MRPL34: variants seen among roughly 807,000 people sequenced by gnomAD.
MRPL34 encodes large ribosomal subunit protein bL34m.
A neutral mutation model predicts 6.7 loss-of-function variants in MRPL34; 8 were observed. The ratio of observed to expected loss-of-function variants is 1.20; its 90% confidence interval spans 0.70 to 2.16. MRPL34 has a LOEUF of 2.16. Ranked by LOEUF, MRPL34 falls within the 30% of genes most tolerant of loss-of-function variation. MRPL34 has a pLI of 0.00. For synonymous variants in MRPL34, 59 were observed against 55.1 expected (o/e 1.07, Z -0.31); for missense variants, 146 against 125.5 (o/e 1.16, Z -0.78).
At chr19:17,293,345 C>T (rs1568346381) in intron 1 of MRPL34, among the ~76,000 whole-genome samples, 1 of 152,008 alleles carries the variant, frequency 6.6e-6, no homozygotes, top group Non-Finnish European at 1.5e-5. Context: ...GATCTGCCCG[C>T]CTCGGTCTCC....
chr19:17,304,659 A>C (rs1174212624), upstream of MRPL34, among the ~76,000 whole-genome samples: 1 of 152,130 alleles, frequency 6.6e-6, no homozygotes, highest in Non-Finnish European at 1.5e-5. Context: ...TCTCTGCATG[A>C]ACCCCAAGCT....
intron 1 of MRPL34, chr19:17,294,387 G>A (rs536645024): frequency 6.2e-7 from 1 of 1,613,964 alleles, no homozygotes; most frequent in East Asian, 2.2e-5. Flanking sequence ...AGACCTCGTC[G>A]CCCTCGGGCC....
upstream of MRPL34, chr19:17,301,218 G>A (rs759388755): frequency 3.4e-5 from 54 of 1,595,646 alleles, no homozygotes; most frequent in Admixed American, 3.4e-4. Flanking sequence ...CTGCGCTGCC[G>A]GGGGCCAAGC....
At chr19:17,300,840 G>A (rs772271267), upstream of MRPL34, 1 of 1,571,758 alleles carries the variant, frequency 6.4e-7, no homozygotes, top group East Asian at 2.3e-5. Flanking sequence ...CACCCCACAT[G>A]CCAGGGTTCA....
chr19:17,292,578 G>C (rs2074075481), upstream of MRPL34: 66 of 1,422,076 alleles, frequency 4.6e-5, no homozygotes, highest in South Asian at 9.0e-4. Context: ...CGCCCAGGTG[G>C]TCTGCGCTGC....
At chr19:17,304,070 A>G (rs2074134862), upstream of MRPL34, among the ~76,000 whole-genome samples, 1 of 152,178 alleles carries the variant, frequency 6.6e-6, no homozygotes, top group African/African-American at 2.4e-5. Context: ...CAAAGGGCTG[A>G]GATCACTGGC....
At chr19:17,305,790 A>C, upstream of MRPL34, 3 of 1,237,904 alleles carry the variant, frequency 2.4e-6, no homozygotes, top group Non-Finnish European at 3.5e-6. Context: ...TCTTTTTTGC[A>C]CGTTAGGAGA....
upstream of MRPL34, chr19:17,301,137 A>C (rs1471390777): frequency 1.2e-6 from 2 of 1,612,616 alleles, no homozygotes; most frequent in African/African-American, 2.7e-5. Context: ...TCTCACAGTC[A>C]ATATGGATGG....
At chr19:17,302,839 T>A (rs2074126925), upstream of MRPL34, 1 of 152,094 alleles carries the variant, frequency 6.6e-6, no homozygotes, top group Non-Finnish European at 1.5e-5. Context: ...AAGGGGGGGA[T>A]ACCCGAGCAG....
At chr19:17,294,219 G>T in intron 1 of MRPL34, 13 of 1,537,706 alleles carry the variant, frequency 8.5e-6, no homozygotes, top group African/African-American at 1.4e-5. Context: ...GCCCCCCGCA[G>T]AGGCCACGCC....
chr19:17,294,701 C>A (rs145795042), intron 1 of MRPL34: 2 of 1,614,018 alleles, frequency 1.2e-6, no homozygotes, highest in Admixed American at 3.3e-5. Flanking sequence ...CCAGGCAGGG[C>A]GACAAGCAGT....
chr19:17,305,869 G>C, upstream of MRPL34: 2 of 1,611,940 alleles, frequency 1.2e-6, no homozygotes, highest in Non-Finnish European at 1.7e-6. Context: ...GCCCGCAGCC[G>C]GTACTGCGGG....
At chr19:17,295,174 C>T (rs1254071305) in intron 1 of MRPL34, among the ~76,000 whole-genome samples, 2 of 142,008 alleles carry the variant, frequency 1.4e-5, no homozygotes, top group Non-Finnish European at 3.0e-5. Context: ...GGCGCAATCT[C>T]GGCTCACTGC....
upstream of MRPL34, chr19:17,292,587 G>A (rs527308056): frequency 1.5e-5 from 22 of 1,474,170 alleles, no homozygotes; most frequent in African/African-American, 2.7e-4. Flanking sequence ...GGTCTGCGCT[G>A]CAGACCTGGC....
At chr19:17,299,234 A>ACCCCC (rs34604672), upstream of MRPL34, among the ~76,000 whole-genome samples, 3 of 128,874 alleles carry the variant, frequency 2.3e-5, no homozygotes, top group Non-Finnish European at 4.9e-5. Flanking sequence ...ACATAATGAG[A>ACCCCC]CCCCCCCCCC....
At chr19:17,301,348 A>G, upstream of MRPL34, 2 of 1,609,524 alleles carry the variant, frequency 1.2e-6, no homozygotes, top group Non-Finnish European at 1.7e-6. Flanking sequence ...TTCCACCAGC[A>G]ACCGCCCATT....
intron 1 of MRPL34, chr19:17,296,608 A>G (rs148511097): frequency 1.6e-3 from 239 of 152,336 alleles, no homozygotes; most frequent in African/African-American, 5.7e-3. Flanking sequence ...AGGGGTCAAC[A>G]AACTATGTAC....
chr19:17,305,241 C>CTTT (rs34823570), upstream of MRPL34, among the ~76,000 whole-genome samples: 3 of 121,220 alleles, frequency 2.5e-5, no homozygotes, highest in Admixed American at 8.4e-5. Flanking sequence ...ATTTTTCTTC[C>CTTT]TTTTTTTTTT....
chr19:17,292,699 G>A (rs140486702), exon 1 of MRPL34: 2 of 1,612,814 alleles, frequency 1.2e-6, no homozygotes, highest in Non-Finnish European at 1.7e-6. Context: ...AGTGGCTCCG[G>A]TAGAGCCTTG....
Sources: allele counts gnomAD v4.1 joint callset (sites outside exome capture counted in the v4.1 genomes callset), GRCh38; gene constraint gnomAD v4.1.1; transcripts MANE v1.5; gene names NCBI Gene and HGNC (gene_info 2026-07-23, HGNC 2026-07-21).